KLKB1: variants seen among roughly 807,000 people sequenced by gnomAD.
KLKB1 encodes plasma kallikrein.
KLKB1 carries 58 observed loss-of-function variants against 73.6 expected under a neutral mutation model. That is an observed-to-expected ratio of 0.79 (90% CI 0.64 to 0.98). KLKB1 has a LOEUF of 0.98. Ranked by LOEUF, KLKB1 falls within the 50% of genes least tolerant of loss-of-function variation. The probability of loss-of-function intolerance (pLI) is 0.00; values close to 1 mark genes in which losing one functional copy is unlikely to be tolerated. For synonymous variants in KLKB1, 280 were observed against 258.1 expected, an observed-to-expected ratio of 1.08 and a Z score of -0.81; for missense variants, 737 against 763.8, an observed-to-expected ratio of 0.96 and a Z score of 0.41.
chr4:186,229,245 G>T (rs1189761692), intron 2 of KLKB1, among the ~76,000 whole-genome samples: 1 of 152,108 alleles, frequency 6.6e-6, no homozygotes, highest in Non-Finnish European at 1.5e-5. Flanking sequence ...CATGATTATG[G>T]CTAGGAAAAT....
At chr4:186,249,425 A>C (rs1409918018) in intron 6 of KLKB1, among the ~76,000 whole-genome samples, 1 of 152,210 alleles carries the variant, frequency 6.6e-6, no homozygotes, top group Non-Finnish European at 1.5e-5. Context: ...TTGTCTATAA[A>C]TGTAAGAGTT....
intron 5 of KLKB1, among the ~76,000 whole-genome samples, chr4:186,237,318 C>T (rs915853214): frequency 1.3e-5 from 2 of 152,070 alleles, no homozygotes; most frequent in East Asian, 1.9e-4. Context: ...AGGCTGGTCT[C>T]GAACTCCTGA....
chr4:186,232,901 G>A (rs1737472204), intron 3 of KLKB1, among the ~76,000 whole-genome samples: 1 of 152,020 alleles, frequency 6.6e-6, no homozygotes, highest in African/African-American at 2.4e-5. Flanking sequence ...AAAAGTATTG[G>A]AAAAATAGTA....
At position 186,258,094 on chromosome 4, in the gene KLKB1, A is replaced by G; in HGVS notation, c.1799A>G (p.Glu600Gly). ...WRLVGITSWG[E>G]GCARREQPGV... Reference sequence around the variant, plus strand: ...TTGGTGGGCATCACCAGCTGGGGTGAAGGCTGTGCCCGCAGGGAGCAACCT... The same window carrying G: ...TTGGTGGGCATCACCAGCTGGGGTGGAGGCTGTGCCCGCAGGGAGCAACCT... Residue 600 changes from glutamate (E) to glycine (G), a missense_variant, in exon 15 of 15, where the codon GAA becomes GGA. Transcript: ENST00000264690. 6.2e-7 allele frequency: 1 copy of G among 1,614,168 alleles called. No homozygotes were observed. The highest frequency in any genetic ancestry group is 8.5e-7 in the Non-Finnish European group (1 of 1,179,992).
At chr4:186,240,733 GCA>G (rs1310778785) in intron 6 of KLKB1, among the ~76,000 whole-genome samples, 1 of 152,186 alleles carries the variant, frequency 6.6e-6, no homozygotes, top group Non-Finnish European at 1.5e-5. Context: ...CTTTGCGACA[GCA>G]CACCTTCTCC....
chr4:186,257,472 G>C, intron 14 of KLKB1, 107 bp downstream of exon 14: 1 of 964,864 alleles, frequency 1.0e-6, no homozygotes, highest in Non-Finnish European at 1.5e-6. Context: ...AAAATTCAGA[G>C]ACAAATGATC....
intron 6 of KLKB1, among the ~76,000 whole-genome samples, chr4:186,245,401 GCAGT>G (rs1738277247): frequency 6.6e-6 from 1 of 152,136 alleles, no homozygotes; most frequent in Non-Finnish European, 1.5e-5. Flanking sequence ...GATCTGGGAA[GCAGT>G]CAGTCAGAGA....
intron 2 of KLKB1, among the ~76,000 whole-genome samples, chr4:186,218,772 G>A (rs186136306): frequency 1.3e-5 from 2 of 152,196 alleles, no homozygotes; most frequent in African/African-American, 4.8e-5. Flanking sequence ...TAGAAGGACA[G>A]AACTAATAGG....
At chr4:186,224,663 T>A (rs1376455369), upstream of KLKB1, among the ~76,000 whole-genome samples, 1 of 152,244 alleles carries the variant, frequency 6.6e-6, no homozygotes, top group African/African-American at 2.4e-5. Context: ...TTTTTTATTT[T>A]AAAGGCTCAT....
intron 6 of KLKB1, among the ~76,000 whole-genome samples, chr4:186,240,352 A>T (rs28380417): frequency 0.84 from 127,562 of 151,800 alleles, 53,882 homozygotes; most frequent in East Asian, 0.92. Flanking sequence ...GTGACGTTGT[A>T]ATAGTTATAG....
At chr4:186,218,223 C>A (rs958264282) in intron 2 of KLKB1, among the ~76,000 whole-genome samples, 5 of 152,286 alleles carry the variant, frequency 3.3e-5, no homozygotes, top group Middle Eastern at 3.4e-3. Context: ...CCTTCCAAAT[C>A]TAAGATTTCA....
intron 2 of KLKB1, among the ~76,000 whole-genome samples, chr4:186,216,624 G>A (rs897737336): frequency 6.6e-6 from 1 of 152,120 alleles, no homozygotes; most frequent in Non-Finnish European, 1.5e-5. Flanking sequence ...GGAGGTTCTG[G>A]AGAAAAATCC....
intron 3 of KLKB1, among the ~76,000 whole-genome samples, chr4:186,233,524 A>G (rs747686220): frequency 7.9e-5 from 12 of 152,256 alleles, no homozygotes; most frequent in Non-Finnish European, 1.5e-4. Context: ...GTGGACATCT[A>G]AGACAGAGGG....
chr4:186,245,237 G>GA, intron 6 of KLKB1, among the ~76,000 whole-genome samples: 1 of 152,306 alleles, frequency 6.6e-6, no homozygotes, highest in East Asian at 1.9e-4. Context: ...ACAGGCCCTT[G>GA]AAAAGAACGT....
At chr4:186,241,994 T>A (rs1285040052) in intron 6 of KLKB1, among the ~76,000 whole-genome samples, 1 of 152,050 alleles carries the variant, frequency 6.6e-6, no homozygotes. Flanking sequence ...CTAAACAGGC[T>A]TTGTGTGAGC....
chr4:186,242,379 G>A (rs1738100816), intron 6 of KLKB1, among the ~76,000 whole-genome samples: 1 of 152,094 alleles, frequency 6.6e-6, no homozygotes, highest in African/African-American at 2.4e-5. Flanking sequence ...AAAGTGTTGG[G>A]GTGGCGAAAG....
In KLKB1 at chr4:186,258,352, G is replaced by A. The variant is rs560960656; in HGVS notation, c.*140G>A. Reference sequence around the variant, plus strand: ...CGAAAAACACAGTGCACTCAGAGCTGCTGAGGACAATGTCTGGCTGAAGCC... The same window carrying A: ...CGAAAAACACAGTGCACTCAGAGCTACTGAGGACAATGTCTGGCTGAAGCC... On this transcript the variant is annotated 3_prime_UTR_variant, in exon 15 of 15. Transcript: ENST00000264690. 4.1e-5 allele frequency: 33 copies of A among 801,798 alleles called. No homozygotes were observed. In the South Asian group the frequency reaches 4.9e-4, roughly 12 times the overall value. 49.7% of individuals were successfully genotyped at this position (801,798 alleles called of 1,614,324 possible).
chr4:186,256,133 G>A (rs1337018778), intron 13 of KLKB1, 46 bp downstream of exon 13: 1 of 1,201,272 alleles, frequency 8.3e-7, no homozygotes, highest in Admixed American at 1.7e-5. Flanking sequence ...AGTCTCACAT[G>A]TTGAAATACA....
chr4:186,215,139 GA>G (rs1363988544), intron 2 of KLKB1, among the ~76,000 whole-genome samples: 10 of 151,604 alleles, frequency 6.6e-5, no homozygotes, highest in African/African-American at 2.4e-4. Context: ...TTATCGGGAA[GA>G]AAAATTATCA....
Sources: allele counts gnomAD v4.1 joint callset (sites outside exome capture counted in the v4.1 genomes callset), GRCh38; gene constraint gnomAD v4.1.1; transcripts MANE v1.5; gene names NCBI Gene and HGNC (gene_info 2026-07-23, HGNC 2026-07-21).